GSE1: variants seen among roughly 807,000 people sequenced by gnomAD.
GSE1 encodes the protein genetic suppressor element 1.
Under a neutral mutation model 112.6 loss-of-function variants are expected in GSE1, and 32 were observed. The observed-to-expected ratio is 0.28, with a 90% CI of 0.21 to 0.38. The LOEUF (loss-of-function observed/expected upper bound fraction) is 0.38, where lower values mean the gene tolerates loss of function less well. Among genes scored for constraint, GSE1 ranks in the 10% least tolerant of loss-of-function variants. The pLI is 1.00. For missense variants in GSE1, 2,348 were observed against 1,699.2 expected, an observed-to-expected ratio of 1.38 and a Z score of -6.71; for synonymous variants, 1,115 against 735.6, an observed-to-expected ratio of 1.52 and a Z score of -8.35.
intron 2 of GSE1, among the ~76,000 whole-genome samples, chr16:85,515,341 T>G (rs2051893366): frequency 6.6e-6 from 1 of 152,248 alleles, no homozygotes; most frequent in Admixed American, 6.5e-5. Flanking sequence ...AGGCTCCTCC[T>G]GCCAGCCTCC....
intron 1 of GSE1, among the ~76,000 whole-genome samples, chr16:85,627,809 T>G (rs949529508): frequency 6.6e-6 from 1 of 152,198 alleles, no homozygotes; most frequent in Admixed American, 6.5e-5. Context: ...CAGAAGTTAA[T>G]AAATACCTCT....
At chr16:85,477,921 C>A (rs1454144166) in intron 2 of GSE1, among the ~76,000 whole-genome samples, 2 of 152,120 alleles carry the variant, frequency 1.3e-5, no homozygotes, top group Non-Finnish European at 2.9e-5. Flanking sequence ...GCATTTCACC[C>A]TTTTCAAGTG....
At position 85,656,356 on chromosome 16, in the gene GSE1, G is replaced by A. The variant is rs549824946; in HGVS notation, c.1003G>A (p.Glu335Lys). The A allele has an allele frequency of 1.1e-5, 18 of 1,611,342 alleles. No homozygotes were observed. The highest frequency in any genetic ancestry group is 4.0e-5 in the African/African-American group (3 of 74,904). ...CATGTGCTGCAGGCTGCAGATGGAC[G>A]AGGAGCTAAGGCGGGAGAGGGAGCG... is the stretch of plus-strand genomic sequence containing the variant. ...GLSAERLQMD[E>K]ELRRERERER... The change falls in exon 7 of 16, where the codon GAG becomes AAG. Residue 335 changes from glutamate to lysine, a missense_variant. By Grantham distance (56) the Glu-to-Lys change is moderately conservative (BLOSUM62 1). Transcript: ENST00000253458.
At chr16:85,551,497 C>T (rs902780475), upstream of GSE1, among the ~76,000 whole-genome samples, 1 of 152,242 alleles carries the variant, frequency 6.6e-6, no homozygotes, top group Non-Finnish European at 1.5e-5. Context: ...ATCCTTCCCG[C>T]TACCCCGTTC....
At chr16:85,251,981 T>A (rs568760872) in intron 1 of GSE1, among the ~76,000 whole-genome samples, 1 of 152,274 alleles carries the variant, frequency 6.6e-6, no homozygotes, top group African/African-American at 2.4e-5. Context: ...AGCTCCATTT[T>A]AGAGATGAGG....
intron 1 of GSE1, among the ~76,000 whole-genome samples, chr16:85,238,220 G>A (rs747442915): frequency 1.3e-5 from 2 of 152,130 alleles, no homozygotes; most frequent in Non-Finnish European, 2.9e-5. Context: ...CCCCACACAC[G>A]GGGTTAGGGA....
chr16:85,569,380 G>A (rs573452184), intron 1 of GSE1, among the ~76,000 whole-genome samples: 31 of 152,342 alleles, frequency 2.0e-4, no homozygotes, highest in African/African-American at 7.0e-4. Context: ...CCAAGTGGTC[G>A]GATGTGAATT....
At chr16:85,383,374 C>T (rs932964611) in intron 2 of GSE1, among the ~76,000 whole-genome samples, 1 of 151,832 alleles carries the variant, frequency 6.6e-6, no homozygotes, top group Non-Finnish European at 1.5e-5. Context: ...GCTGCATACA[C>T]ACAGCACACA....
intron 1 of GSE1, among the ~76,000 whole-genome samples, chr16:85,186,571 C>G (rs576230093): frequency 1.3e-4 from 19 of 150,946 alleles, no homozygotes; most frequent in Admixed American, 9.9e-4. Context: ...CCACTGTACT[C>G]CAGCCTGGGC....
intron 2 of GSE1, among the ~76,000 whole-genome samples, chr16:85,636,189 C>T (rs557535462): frequency 1.1e-4 from 16 of 152,342 alleles, no homozygotes; most frequent in South Asian, 2.1e-4. Context: ...AAGATGCCCC[C>T]GGGGTGGATG....
At position 85,656,513 on chromosome 16, in the gene GSE1, G is replaced by C; in HGVS notation, c.1160G>C (p.Arg387Pro). The C allele has an allele frequency of 6.5e-7, 1 of 1,549,078 alleles. No homozygotes were observed. The highest frequency in any genetic ancestry group is 1.2e-5 in the South Asian group (1 of 84,056). ...REKERERELERQREQRAREKE... is the reference protein window; with the variant it reads ...REKERERELEPQREQRAREKE... ...AAGGAGCGCGAGCGCGAGCTGGAGC[G>C]CCAGCGGGAGCAGCGGGCCCGGGAG... The change falls in exon 7 of 16, where the codon CGC (arginine) becomes CCC (proline). Residue 387 changes from arginine to proline, a missense_variant. Transcript: ENST00000253458.
In GSE1 at chr16:85,373,921, G is replaced by T. The variant is rs920810784; in HGVS notation, c.2464+16278G>T. ...AGGCACCCGCCCGGCCTCCCTCCCC[G>T]CTCCCCGCAGGCCCTGTCAGGTCAG... On this transcript the variant is annotated intron_variant, in intron 2 of 2. Transcript: ENST00000637419. The surrounding 1 kb of genome is among the most constrained non-coding windows in gnomAD (Gnocchi z 5.1). 6.6e-6 allele frequency among the ~76,000 whole-genome samples: 1 copy of T among 152,058 alleles called. No individual in the cohort carries two copies. Among genetic ancestry groups the T allele is most frequent in the Non-Finnish European group, 1.5e-5 (1 of 67,994 alleles).
At chr16:85,545,859 T>G (rs1251389583) in intron 2 of GSE1, among the ~76,000 whole-genome samples, 2 of 152,190 alleles carry the variant, frequency 1.3e-5, no homozygotes, top group Non-Finnish European at 2.9e-5. Flanking sequence ...CTCGGCTCAC[T>G]GCAAGCTCCG....
At chr16:85,324,775 G>A (rs1235542810) in intron 1 of GSE1, among the ~76,000 whole-genome samples, 2 of 152,082 alleles carry the variant, frequency 1.3e-5, no homozygotes, top group Non-Finnish European at 2.9e-5. Context: ...CGGATGAGTG[G>A]CTGGCAGGGC....
chr16:85,565,415 AC>A (rs370189034), intron 1 of GSE1, among the ~76,000 whole-genome samples: 5 of 150,660 alleles, frequency 3.3e-5, no homozygotes, highest in African/African-American at 9.9e-5. Flanking sequence ...ACAAAAAAAA[AC>A]AAAAAAACCA....
intron 1 of GSE1, among the ~76,000 whole-genome samples, chr16:85,315,212 C>G (rs1486353073): frequency 6.6e-6 from 1 of 152,046 alleles, no homozygotes; most frequent in African/African-American, 2.4e-5. Flanking sequence ...GCTGAGGGAG[C>G]AGGGGTCGGG....
At chr16:85,343,712 T>C (rs2046672519) in intron 1 of GSE1, among the ~76,000 whole-genome samples, 1 of 152,138 alleles carries the variant, frequency 6.6e-6, no homozygotes, top group African/African-American at 2.4e-5. Context: ...ATTGCACCAC[T>C]GCACTCCAGC....
chr16:85,664,789 G>A (rs2052703448), intron 11 of GSE1: 3 of 506,120 alleles, frequency 5.9e-6, no homozygotes, highest in East Asian at 3.3e-5. Context: ...ACGGACAGCT[G>A]TCTTTGGAGC....
At chr16:85,535,410 T>C (rs989201260) in intron 2 of GSE1, among the ~76,000 whole-genome samples, 1 of 152,176 alleles carries the variant, frequency 6.6e-6, no homozygotes, top group African/African-American at 2.4e-5. Context: ...CTTCCTTCTC[T>C]ACCCCGCCTG....
Sources: allele counts gnomAD v4.1 joint callset (sites outside exome capture counted in the v4.1 genomes callset), GRCh38; gene constraint gnomAD v4.1.1; non-coding constraint Gnocchi (gnomAD v3.1); transcripts MANE v1.5; gene names NCBI Gene and HGNC (gene_info 2026-07-23, HGNC 2026-07-21).